ITFG1: variants seen among roughly 807,000 people sequenced by gnomAD.
ITFG1 encodes the protein integrin alpha FG-GAP repeat containing 1, also known as T-cell immunomodulatory protein.
ITFG1 carries 34 observed loss-of-function variants against 81.8 expected under a neutral mutation model. The ratio of observed to expected loss-of-function variants is 0.42; its 90% CI spans 0.32 to 0.55. The LOEUF is 0.55. ITFG1 is among the 20% of genes least tolerant of loss of function. The pLI, the probability that ITFG1 is intolerant of heterozygous loss-of-function variation, is 0.17. For missense variants in ITFG1, 672 were observed against 755.4 expected, an observed-to-expected ratio of 0.89 and a Z score of 1.29; for synonymous variants, 285 against 270.6, an observed-to-expected ratio of 1.05 and a Z score of -0.52.
intron 8 of ITFG1, among the ~76,000 whole-genome samples, chr16:47,335,356 GA>G: frequency 6.6e-6 from 1 of 151,590 alleles, no homozygotes; most frequent in East Asian, 1.9e-4. Context: ...GAGACTCTAA[GA>G]AAAAACAAAA....
chr16:47,419,035 T>TC (rs1968908123), intron 6 of ITFG1, among the ~76,000 whole-genome samples: 1 of 152,242 alleles, frequency 6.6e-6, no homozygotes, highest in African/African-American at 2.4e-5. Context: ...ATGAGATATC[T>TC]ATTTTTAATC....
intron 12 of ITFG1, among the ~76,000 whole-genome samples, chr16:47,245,449 C>CGT (rs1203405003): frequency 6.6e-6 from 1 of 151,992 alleles, no homozygotes; most frequent in African/African-American, 2.4e-5. Flanking sequence ...ATTCCATTTA[C>CGT]GTGTGTGTGT....
chr16:47,204,456 A>G (rs1219349676), intron 14 of ITFG1, among the ~76,000 whole-genome samples: 1 of 152,222 alleles, frequency 6.6e-6, no homozygotes, highest in East Asian at 1.9e-4. Flanking sequence ...ACTGCTTCTA[A>G]AGATAATAAA....
chr16:47,348,207 C>T lies in ITFG1; in HGVS notation c.802+17581G>A, dbSNP rs190766536. ...TCACCAGCAACGGAACAAAGCTGGA[C>T]GGAGAATAACTTTGACGAGTTAAGA... On this transcript the variant is annotated intron_variant, in intron 8 of 17. Coordinates refer to ENST00000320640, the MANE Select transcript of ITFG1 (RefSeq NM_030790.5). 1.6e-4 allele frequency among the ~76,000 whole-genome samples: 24 copies of T among 152,250 alleles called. 1 individual carries two copies. Among genetic ancestry groups the T allele is most frequent in the South Asian group, 4.1e-4 (2 of 4,824 alleles).
chr16:47,290,860 G>T (rs1966896762), intron 10 of ITFG1, among the ~76,000 whole-genome samples: 1 of 152,026 alleles, frequency 6.6e-6, no homozygotes, highest in Non-Finnish European at 1.5e-5. Context: ...AATGTTTTCT[G>T]TTTTTTCTCT....
At chr16:47,191,715 T>C (rs551929171) in intron 14 of ITFG1, among the ~76,000 whole-genome samples, 1 of 152,164 alleles carries the variant, frequency 6.6e-6, no homozygotes, top group Non-Finnish European at 1.5e-5. Context: ...TTCACCATGC[T>C]GGCCAGGATG....
At chr16:47,457,665 AAC>A (rs1376067731) in intron 2 of ITFG1, among the ~76,000 whole-genome samples, 2 of 152,318 alleles carry the variant, frequency 1.3e-5, no homozygotes, top group East Asian at 1.9e-4. Flanking sequence ...TTTAAATTAT[AAC>A]ACAAACAAGA....
intron 8 of ITFG1, among the ~76,000 whole-genome samples, chr16:47,345,081 A>G (rs1967833387): frequency 6.6e-6 from 1 of 152,206 alleles, no homozygotes; most frequent in Non-Finnish European, 1.5e-5. Context: ...AGAAGTAAAC[A>G]AATAATTACT....
chr16:47,278,650 T>C (rs756115530), intron 10 of ITFG1, among the ~76,000 whole-genome samples: 1 of 152,014 alleles, frequency 6.6e-6, no homozygotes, highest in African/African-American at 2.4e-5. Flanking sequence ...TATTTCTGTA[T>C]AGAAAAAAAA....
chr16:47,438,199 T>C (rs548713065), intron 5 of ITFG1, among the ~76,000 whole-genome samples: 1 of 152,286 alleles, frequency 6.6e-6, no homozygotes, highest in Admixed American at 6.5e-5. Flanking sequence ...TCAAACTGGG[T>C]GGAGGCCACC....
intron 6 of ITFG1, among the ~76,000 whole-genome samples, chr16:47,401,274 G>T (rs1439384537): frequency 6.6e-6 from 1 of 152,158 alleles, no homozygotes; most frequent in Non-Finnish European, 1.5e-5. Flanking sequence ...GAATGAAGAG[G>T]TTTTAAGGAA....
rs1285211080 is a variant in ITFG1, at chr16:47,460,703, G to A, written c.208+135C>T. 6.4e-6 allele frequency: 6 copies of A among 943,970 alleles called. No homozygotes were observed. In the Admixed American group the frequency reaches 8.8e-5, roughly 14 times the overall value. The allele number at this position is 943,970 out of a possible 1,614,324, so 58.5% of individuals were successfully genotyped here. A position where few individuals can be genotyped will look rare whatever the true frequency, so the allele number is the denominator to read the frequency against. ...TGCAAAAGGACAAGCTGTTAAGAAT[G>A]CTAAAGGGAAGGCCACAGGGCTGGG... On this transcript the variant is annotated intron_variant, in intron 1 of 17. Coordinates refer to ENST00000320640, the MANE Select transcript of ITFG1 (RefSeq NM_030790.5).
At chr16:47,320,014 T>G (rs1967424807) in intron 8 of ITFG1, among the ~76,000 whole-genome samples, 1 of 152,166 alleles carries the variant, frequency 6.6e-6, no homozygotes, top group Non-Finnish European at 1.5e-5. Flanking sequence ...TTTCGCCTCC[T>G]GTGTTCAAGC....
intron 3 of ITFG1, among the ~76,000 whole-genome samples, chr16:47,453,183 G>A (rs1969410346): frequency 6.6e-6 from 1 of 152,080 alleles, no homozygotes; most frequent in East Asian, 1.9e-4. Flanking sequence ...CTTTGTGCAT[G>A]GTACTCCCTC....
At chr16:47,327,770 A>G (rs905345727) in intron 8 of ITFG1, among the ~76,000 whole-genome samples, 7 of 152,190 alleles carry the variant, frequency 4.6e-5, no homozygotes, top group African/African-American at 1.7e-4. Flanking sequence ...TCAAAACACA[A>G]TGAGATACCA....
At position 47,325,007 on chromosome 16, in the gene ITFG1, T is replaced by C. The variant is rs528798991; in HGVS notation, c.803-11184A>G. On this transcript the variant is annotated intron_variant, in intron 8 of 17. Transcript: ENST00000320640. The stretch of plus-strand genomic sequence containing the variant: ...CCTAATAGACATCTACAGAACTCTC[T>C]ACCCCAAATCAACAGAATATACATT... Among the ~76,000 whole-genome samples the C allele has an allele frequency of 6.6e-5, 10 of 152,172 alleles. No homozygotes were observed. In the South Asian group the frequency reaches 8.3e-4, roughly 13 times the overall value.
At chr16:47,412,914 T>C (rs867685635) in intron 6 of ITFG1, among the ~76,000 whole-genome samples, 9 of 152,102 alleles carry the variant, frequency 5.9e-5, no homozygotes, top group East Asian at 1.9e-4. Context: ...CCTGAGCCAG[T>C]AGGAGGCTGT....
chr16:47,251,132 C>T (rs182934642), intron 12 of ITFG1, among the ~76,000 whole-genome samples: 1 of 152,200 alleles, frequency 6.6e-6, no homozygotes. Flanking sequence ...CTGTAACATC[C>T]TCTCATTACT....
chr16:47,158,824 T>C, intron 17 of ITFG1, 49 bp downstream of exon 17: 3 of 915,736 alleles, frequency 3.3e-6, no homozygotes, highest in Admixed American at 2.1e-5. Flanking sequence ...AATGTATGTA[T>C]TACTAGAATA....
Sources: allele counts gnomAD v4.1 joint callset (sites outside exome capture counted in the v4.1 genomes callset), GRCh38; gene constraint gnomAD v4.1.1; transcripts MANE v1.5; gene names NCBI Gene and HGNC (gene_info 2026-07-23, HGNC 2026-07-21).